The following PBX3 variants were observed in gnomAD, a reference collection of about 807,000 sequenced individuals.
The protein encoded by PBX3 is pre-B-cell leukemia transcription factor 3.
In PBX3, 14 loss-of-function variants were observed where a neutral mutation model predicts 48.5. The ratio of observed to expected loss-of-function variants is 0.29; its 90% CI spans 0.19 to 0.45. The LOEUF is 0.45. Ranked by LOEUF, PBX3 falls within the 20% of genes least tolerant of loss-of-function variation. The probability of loss-of-function intolerance (pLI) is 1.00; values close to 1 mark genes in which losing one functional copy is unlikely to be tolerated. For synonymous variants in PBX3, 210 were observed against 200.3 expected (o/e 1.05, Z -0.41); for missense variants, 386 against 546.7 (o/e 0.71, Z 2.93).
At chr9:125,931,111 T>C (rs1282531803) in intron 4 of PBX3, among the ~76,000 whole-genome samples, 1 of 152,180 alleles carries the variant, frequency 6.6e-6, no homozygotes, top group African/African-American at 2.4e-5. Flanking sequence ...TGTTTTACAA[T>C]ATTCTCTCTC....
intron 2 of PBX3, among the ~76,000 whole-genome samples, chr9:125,823,045 C>A (rs1398566551): frequency 6.6e-6 from 1 of 150,622 alleles, no homozygotes; most frequent in Non-Finnish European, 1.5e-5. Flanking sequence ...ATTAATTCTC[C>A]TAACTCACCT....
intron 2 of PBX3, among the ~76,000 whole-genome samples, chr9:125,833,474 G>A (rs544840595): frequency 4.6e-5 from 7 of 151,824 alleles, no homozygotes; most frequent in Admixed American, 1.3e-4. Context: ...GGGCCACAGA[G>A]GGAGACGCTG....
chr9:125,835,051 A>AAAAAAT, intron 2 of PBX3, among the ~76,000 whole-genome samples: 1 of 108,060 alleles, frequency 9.3e-6, no homozygotes, highest in African/African-American at 3.8e-5. Context: ...AAAAAAAAAA[A>AAAAAAT]GGGCAAAAGA....
At chr9:125,827,496 A>G (rs2132178734) in intron 2 of PBX3, among the ~76,000 whole-genome samples, 1 of 152,226 alleles carries the variant, frequency 6.6e-6, no homozygotes, top group East Asian at 1.9e-4. Context: ...ACATACGTGT[A>G]TTTACAAATA....
rs546985083 is a variant in PBX3 at position 125,849,386 on chromosome 9, T to A, written c.275-66300T>A. On this transcript the variant is annotated intron_variant, in intron 2 of 8. Transcript: ENST00000373489. The stretch of plus-strand genomic sequence containing the variant: ...GGATTTAAAAAAAAAAAAGGAAGGA[T>A]AATGTAGGAGTCAGTTTGTTAGGCA... 2.0e-5 allele frequency among the ~76,000 whole-genome samples: 3 copies of A among 151,242 alleles called. No individual in the cohort carries two copies. The South Asian group carries it at 6.3e-4, about 32-fold the overall frequency.
At chr9:125,811,615 CTCTTT>C (rs1043593958) in intron 2 of PBX3, among the ~76,000 whole-genome samples, 1 of 152,160 alleles carries the variant, frequency 6.6e-6, no homozygotes, top group African/African-American at 2.4e-5. Context: ...TCAATTAAAC[CTCTTT>C]TCTTTATAAA....
chr9:125,967,177 C>G lies in PBX3; in HGVS notation c.*1254C>G, dbSNP rs1842551779. ...TATTTCACCCTGTGTAATGGGGCCC[C>G]CTCTCCTTTCTCTCTTTTTGTATTG... On this transcript the variant is annotated 3_prime_UTR_variant, in exon 9 of 9. Transcript: ENST00000373489. 6.6e-6 allele frequency: 1 copy of G among 152,202 alleles called. No homozygotes were observed. The highest frequency in any genetic ancestry group is 2.4e-5 in the African/African-American group (1 of 41,296). 9.4% of individuals were successfully genotyped at this position (152,202 alleles called of 1,614,324 possible).
At chr9:125,780,470 C>A in intron 2 of PBX3, among the ~76,000 whole-genome samples, 1 of 103,358 alleles carries the variant, frequency 9.7e-6, no homozygotes, top group South Asian at 3.4e-4. Context: ...GGGGGCTGAC[C>A]CCCCCCACCT....
At chr9:125,873,795 A>G (rs1181289650) in intron 2 of PBX3, among the ~76,000 whole-genome samples, 1 of 152,180 alleles carries the variant, frequency 6.6e-6, no homozygotes, top group East Asian at 1.9e-4. Flanking sequence ...ACAGCTAGAT[A>G]AACCCAAAGG....
At chr9:125,791,703 A>G (rs1278757374) in intron 2 of PBX3, among the ~76,000 whole-genome samples, 10 of 152,128 alleles carry the variant, frequency 6.6e-5, no homozygotes, top group Admixed American at 5.9e-4. Context: ...TGGGAGGCCA[A>G]GGCGGGAGGA....
chr9:125,765,130 A>G (rs1165840168), intron 2 of PBX3, among the ~76,000 whole-genome samples: 1 of 151,720 alleles, frequency 6.6e-6, no homozygotes, highest in Non-Finnish European at 1.5e-5. Flanking sequence ...AAAGTTGCTT[A>G]TATTTGTATT....
intron 5 of PBX3, among the ~76,000 whole-genome samples, chr9:125,959,470 TGGCTCCCTTGCCAG>T (rs1307967308): frequency 6.6e-6 from 1 of 152,250 alleles, no homozygotes; most frequent in African/African-American, 2.4e-5. Context: ...CTTCCTCACA[TGGCTCCCTTGCCAG>T]GGCTCTCTGC....
chr9:125,819,387 G>A (rs1232007041), intron 2 of PBX3, among the ~76,000 whole-genome samples: 1 of 151,782 alleles, frequency 6.6e-6, no homozygotes, highest in African/African-American at 2.4e-5. Context: ...TTAGCTGGGT[G>A]TGGTGGTTCA....
rs1374985805 is a variant in PBX3, at chr9:125,791,297, GTCTGTCTATCTA to G, written c.274+42678_274+42689del. Among the ~76,000 whole-genome samples the G allele has an allele frequency of 5.8e-3, 748 of 128,038 alleles. 3 individuals carry two copies. Among genetic ancestry groups the G allele is most frequent in the Middle Eastern group, 0.012 (3 of 248 alleles). The allele number at this position is 128,038 out of a possible 152,430, so 84.0% of individuals were successfully genotyped here. ...TACATTTTTATCTGTCTGTCTGTCT[GTCTGTCTATCTA>G]TCTATCTATCTATCTATCTATCTAT... is the stretch of plus-strand genomic sequence containing the variant. On this transcript the variant is annotated intron_variant, in intron 2 of 8. Coordinates refer to ENST00000373489, the MANE Select transcript of PBX3 (RefSeq NM_006195.6).
At chr9:125,931,357 A>C (rs1415476705) in intron 4 of PBX3, among the ~76,000 whole-genome samples, 1 of 152,182 alleles carries the variant, frequency 6.6e-6, no homozygotes. Flanking sequence ...GGAGTGCAGT[A>C]AATGATGCTA....
chr9:125,838,016 A>G (rs1456922988), intron 2 of PBX3, among the ~76,000 whole-genome samples: 3 of 152,214 alleles, frequency 2.0e-5, no homozygotes, highest in African/African-American at 2.4e-5. Context: ...AGCCAATGCC[A>G]TGTATTTGAT....
At chr9:125,884,139 G>A (rs1232211253) in intron 2 of PBX3, among the ~76,000 whole-genome samples, 1 of 152,202 alleles carries the variant, frequency 6.6e-6, no homozygotes, top group Non-Finnish European at 1.5e-5. Context: ...AGGATTGGGG[G>A]CTGTGTGAAT....
Position 125,780,002 on chromosome 9 carries a change from T to C in PBX3, c.274+31379T>C, listed in dbSNP as rs1328302601. ...GGCAGAGGGGCTCCTCACTTCCCAG[T>C]AGGGGCAGCCGGGCAGAGGCGCCCC... is the stretch of plus-strand genomic sequence containing the variant. On this transcript the variant is annotated intron_variant, in intron 2 of 8. Coordinates refer to ENST00000373489, the MANE Select transcript of PBX3 (RefSeq NM_006195.6). Among the ~76,000 whole-genome samples, 3 of 127,636 alleles carry C rather than the reference T, an allele frequency of 2.4e-5. No homozygotes were observed. In the East Asian group the frequency reaches 8.1e-4, roughly 34 times the overall value. The allele number at this position is 127,636 out of a possible 152,430, so 83.7% of individuals were successfully genotyped here.
At chr9:125,936,826 CATATATT>C (rs1426783972) in intron 5 of PBX3, among the ~76,000 whole-genome samples, 4 of 152,144 alleles carry the variant, frequency 2.6e-5, no homozygotes, top group Admixed American at 6.5e-5. Context: ...CTTACATAGA[CATATATT>C]ATATAAAACA....
Sources: allele counts gnomAD v4.1 joint callset (sites outside exome capture counted in the v4.1 genomes callset), GRCh38; gene constraint gnomAD v4.1.1; transcripts MANE v1.5; gene names NCBI Gene and HGNC (gene_info 2026-07-23, HGNC 2026-07-21).